The following PIGG variants were observed in gnomAD, a reference collection of about 807,000 sequenced individuals.
PIGG encodes phosphatidylinositol glycan anchor biosynthesis class G (EMM blood group).
Under a neutral mutation model 83.2 loss-of-function variants are expected in PIGG, and 70 were observed. The observed-to-expected ratio is 0.84, with a 90% CI of 0.69 to 1.03. PIGG has a LOEUF of 1.03. PIGG is among the 50% of genes least tolerant of loss of function. The pLI is 0.00. For missense variants in PIGG, 1,257 were observed against 1,233.6 expected (o/e 1.02, Z -0.28); for synonymous variants, 532 against 519.5 (o/e 1.02, Z -0.33).
chr4:504,821 A>G (rs782464377), intron 2 of PIGG, among the ~76,000 whole-genome samples: 2 of 152,086 alleles, frequency 1.3e-5, no homozygotes, highest in Non-Finnish European at 2.9e-5. Context: ...ACTCAATTCT[A>G]TTATCAGAAG....
chr4:504,088 G>A (rs1283336437), intron 2 of PIGG, among the ~76,000 whole-genome samples: 1 of 152,224 alleles, frequency 6.6e-6, no homozygotes, highest in African/African-American at 2.4e-5. Context: ...CCCTAGGAAT[G>A]TTGGTGGCTG....
chr4:533,491 C>G (rs1184660428), intron 11 of PIGG: 27 of 325,252 alleles, frequency 8.3e-5, no homozygotes, highest in Non-Finnish European at 1.3e-4. Flanking sequence ...TGGGTCTGGA[C>G]AAGGGTCTTA....
At chr4:504,738 C>G (rs1288792251) in intron 2 of PIGG, among the ~76,000 whole-genome samples, 1 of 152,112 alleles carries the variant, frequency 6.6e-6, no homozygotes. Flanking sequence ...GGCTGTATAA[C>G]TCTAAATCAC....
At position 533,544 on chromosome 4, in the gene PIGG, T is replaced by C. The variant is rs11938183; in HGVS notation, c.2572-274T>C. On this transcript the variant is annotated intron_variant, in intron 11 of 12. Transcript: ENST00000453061. ...CAGCCGGTCTGTGTGTGCGTCCCTC[T>C]TCAGAGGGGGCCCCAGCTTCTGCAC... 74,618 of 484,152 alleles carry C rather than the reference T, an allele frequency of 0.15. 7,050 individuals carry two copies. The highest frequency in any genetic ancestry group is 0.32 in the African/African-American group (16,587 of 51,450). 30.0% of individuals were successfully genotyped at this position (484,152 alleles called of 1,614,324 possible). A position where few individuals can be genotyped will look rare whatever the true frequency, so the allele number is the denominator to read the frequency against.
intron 9 of PIGG, among the ~76,000 whole-genome samples, chr4:526,439 C>T (rs1727635175): frequency 6.6e-6 from 1 of 152,238 alleles, no homozygotes; most frequent in Admixed American, 6.5e-5. Flanking sequence ...GGGCTCTGCC[C>T]TCTGACAGGC....
At chr4:535,676 C>T (rs1269897520) in intron 12 of PIGG, among the ~76,000 whole-genome samples, 3 of 152,200 alleles carry the variant, frequency 2.0e-5, no homozygotes, top group East Asian at 3.9e-4. Context: ...GCTGAGCCCC[C>T]GTGCCAGCCC....
chr4:514,348 T>C (rs1407632111), intron 5 of PIGG, among the ~76,000 whole-genome samples: 2 of 152,210 alleles, frequency 1.3e-5, no homozygotes, highest in Non-Finnish European at 2.9e-5. Context: ...TTCTCTCTCT[T>C]TAGGTGTTTC....
intron 12 of PIGG, among the ~76,000 whole-genome samples, chr4:538,809 G>A (rs1731374070): frequency 6.6e-6 from 1 of 152,184 alleles, no homozygotes; most frequent in African/African-American, 2.4e-5. Flanking sequence ...GAGAGCTCAA[G>A]GTGTGTGTGG....
intron 3 of PIGG, chr4:506,785 G>A: frequency 4.4e-6 from 2 of 456,242 alleles, no homozygotes; most frequent in Non-Finnish European, 4.4e-6. Flanking sequence ...ATTGAGTGCT[G>A]TGTCTTTTTC....
Position 533,848 on chromosome 4 carries a change from A to G in PIGG, c.2602A>G (p.Ile868Val), listed in dbSNP as rs1292991313. The G allele has an allele frequency of 6.2e-7, 1 of 1,614,178 alleles. No homozygotes were observed. Among genetic ancestry groups the G allele is most frequent in the Non-Finnish European group, 8.5e-7 (1 of 1,180,024 alleles). ...GNSNNIATVD[I>V]SAGFVGLDTY... ...CTCCAACAACATTGCCACCGTGGAC[A>G]TCTCCGCAGGCTTCGTGGGCTTAGA... Residue 868 changes from isoleucine (I) to valine (V), a missense_variant, in exon 12 of 13, where the codon ATC becomes GTC. By Grantham distance (29) the Ile-to-Val change is conservative. Transcript: ENST00000453061.
intron 12 of PIGG, among the ~76,000 whole-genome samples, chr4:538,809 GGT>G (rs1280546859): frequency 6.6e-6 from 1 of 152,184 alleles, no homozygotes; most frequent in Admixed American, 6.5e-5. Flanking sequence ...GAGAGCTCAA[GGT>G]GTGTGTGGGG....
At chr4:510,408 GTTCCTT>G (rs1721504929) in intron 5 of PIGG, among the ~76,000 whole-genome samples, 1 of 152,220 alleles carries the variant, frequency 6.6e-6, no homozygotes, top group South Asian at 2.1e-4. Flanking sequence ...CGGGCCAGGT[GTTCCTT>G]ACCCTCATTC....
At chr4:533,609 G>A in intron 11 of PIGG, 1 of 587,780 alleles carries the variant, frequency 1.7e-6, no homozygotes, top group South Asian at 2.0e-5. Flanking sequence ...GGCACTGCAG[G>A]CAGGGGGAGG....
In PIGG at chr4:539,689, G is replaced by A; in HGVS notation, c.*320G>A. 1 of 231,908 alleles carries A rather than the reference G, an allele frequency of 4.3e-6. No individual in the cohort carries two copies. The highest frequency in any genetic ancestry group is 1.5e-3 in the Middle Eastern group (1 of 658). 14.4% of individuals were successfully genotyped at this position (231,908 alleles called of 1,614,324 possible). ...AGAGTCCAGGAGCTCTGTGGGAGGAGGCACCCAGATTACCTTAGGGAGCAC... is the reference window on the plus strand; with the variant it reads ...AGAGTCCAGGAGCTCTGTGGGAGGAAGCACCCAGATTACCTTAGGGAGCAC... On this transcript the variant is annotated 3_prime_UTR_variant, in exon 13 of 13. Transcript: ENST00000453061.
At chr4:519,429 T>TC (rs566003660) in intron 6 of PIGG, among the ~76,000 whole-genome samples, 141 of 152,160 alleles carry the variant, frequency 9.3e-4, no homozygotes, top group African/African-American at 3.2e-3. Context: ...GACACAGGCG[T>TC]CCCCCCATCC....
At chr4:527,425 C>T (rs1416435925) in intron 10 of PIGG, 195 bp downstream of exon 10, 21 of 1,333,916 alleles carry the variant, frequency 1.6e-5, no homozygotes. Context: ...AAACCTCAAC[C>T]AGCTGCGTTG....
chr4:512,072 T>C (rs1298104919), intron 5 of PIGG, among the ~76,000 whole-genome samples: 2 of 152,214 alleles, frequency 1.3e-5, no homozygotes, highest in Non-Finnish European at 2.9e-5. Context: ...TGTAGGTTGA[T>C]GTGTTTCATC....
At chr4:511,847 G>T (rs1270136286) in intron 5 of PIGG, among the ~76,000 whole-genome samples, 3 of 152,136 alleles carry the variant, frequency 2.0e-5, no homozygotes, top group Admixed American at 1.3e-4. Context: ...CTTCTTTTTG[G>T]AAGGAGTTTT....
Position 528,548 on chromosome 4 carries a change from G to C in PIGG, c.2261+1318G>C. On this transcript the variant is annotated intron_variant, in intron 10 of 12. Transcript: ENST00000453061. The surrounding 1 kb of genome is among the most constrained non-coding windows in gnomAD (Gnocchi z 4.8). Reference sequence around the variant, plus strand: ...AGAGTGTAGCAGGCCGTCATACGGGGCCGGGGCCTGGGGCAGAGAGGATGC... The same window carrying C: ...AGAGTGTAGCAGGCCGTCATACGGGCCCGGGGCCTGGGGCAGAGAGGATGC... 1.0e-6 allele frequency: 1 copy of C among 985,382 alleles called. No individual in the cohort carries two copies. The highest frequency in any genetic ancestry group is 1.2e-6 in the Non-Finnish European group (1 of 829,918). 61.0% of individuals were successfully genotyped at this position (985,382 alleles called of 1,614,324 possible). A position where few individuals can be genotyped will look rare whatever the true frequency, so the allele number is the denominator to read the frequency against.
Sources: gnomAD v4.1 joint callset for allele counts (sites outside exome capture counted in the v4.1 genomes callset) on GRCh38, gnomAD v4.1.1 for gene constraint, Gnocchi (gnomAD v3.1) non-coding constraint, MANE v1.5 for transcripts, NCBI Gene and HGNC (gene_info 2026-07-23, HGNC 2026-07-21) for gene names.